Variants in THSD7A observed in about 807,000 individuals in gnomAD.
The protein encoded by THSD7A is thrombospondin type 1 domain containing 7A, also known as thrombospondin type-1 domain-containing protein 7A.
In THSD7A, 96 loss-of-function variants were observed where a neutral mutation model predicts 231.3. That is an observed-to-expected ratio of 0.41 (90% CI 0.35 to 0.49). The LOEUF is 0.49. Ranked by LOEUF, THSD7A falls within the 20% of genes least tolerant of loss-of-function variation. The pLI, the probability that THSD7A is intolerant of heterozygous loss-of-function variation, is 0.05. For synonymous variants in THSD7A, 940 were observed against 743.3 expected (o/e 1.26, Z -4.30); for missense variants, 2,290 against 2,070.2 (o/e 1.11, Z -2.06).
intron 1 of THSD7A, among the ~76,000 whole-genome samples, chr7:11,770,129 T>A (rs1783175382): frequency 6.6e-6 from 1 of 152,070 alleles, no homozygotes; most frequent in African/African-American, 2.4e-5. Context: ...AATAACCAAC[T>A]TTTCATCATA....
chr7:11,419,421 C>T (rs1328504417), intron 16 of THSD7A, among the ~76,000 whole-genome samples: 1 of 152,144 alleles, frequency 6.6e-6, no homozygotes, highest in Non-Finnish European at 1.5e-5. Flanking sequence ...TGAAAATGTG[C>T]TTGCTTCCTC....
intron 6 of THSD7A, among the ~76,000 whole-genome samples, chr7:11,537,791 A>G (rs1437679721): frequency 6.6e-6 from 1 of 152,174 alleles, no homozygotes; most frequent in Non-Finnish European, 1.5e-5. Flanking sequence ...TTCTTTTGAT[A>G]CTTTTGATGA....
At chr7:11,553,389 T>G (rs1789713982) in intron 4 of THSD7A, among the ~76,000 whole-genome samples, 1 of 152,110 alleles carries the variant, frequency 6.6e-6, no homozygotes, top group Non-Finnish European at 1.5e-5. Flanking sequence ...TGTAAGACGA[T>G]TACATTTCTG....
At chr7:11,524,064 T>C (rs1440528612) in intron 6 of THSD7A, among the ~76,000 whole-genome samples, 4 of 152,174 alleles carry the variant, frequency 2.6e-5, no homozygotes, top group Admixed American at 6.6e-5. Flanking sequence ...TTTTATTTAT[T>C]TTAGTATGCA....
Position 11,636,477 on chromosome 7 carries a change from C to T in THSD7A, c.675G>A (p.Pro225=), listed in dbSNP as rs1356260391. 1.2e-6 allele frequency: 2 copies of T among 1,613,656 alleles called. No individual in the cohort carries two copies. Among genetic ancestry groups the T allele is most frequent in the South Asian group, 1.1e-5 (1 of 91,074 alleles). Residue 225 remains proline (P), a synonymous_variant, in exon 2 of 28, where the codon CCG becomes CCA. Coordinates refer to ENST00000423059, the MANE Select transcript of THSD7A (RefSeq NM_015204.3). The surrounding 1 kb of genome is among the most constrained non-coding windows in gnomAD (Gnocchi z 10.0). ...QHRTRHVVAP[P]QFGGSGCPNL... ...TTGGACAGCCAGAGCCTCCGAACTG[C>T]GGGGGCGCCACCACATGACGCGTCC...
At chr7:11,395,339 A>G (rs1783140902) in intron 23 of THSD7A, among the ~76,000 whole-genome samples, 1 of 152,160 alleles carries the variant, frequency 6.6e-6, no homozygotes, top group South Asian at 2.1e-4. Flanking sequence ...TTAGAGACCT[A>G]CAAAGAGAGT....
At chr7:11,648,145 A>T (rs1214617069) in intron 1 of THSD7A, among the ~76,000 whole-genome samples, 3 of 152,044 alleles carry the variant, frequency 2.0e-5, no homozygotes, top group Non-Finnish European at 2.9e-5. Flanking sequence ...ATTTTAGGCT[A>T]CTTGTCCCTT....
intron 23 of THSD7A, among the ~76,000 whole-genome samples, chr7:11,401,342 A>T (rs890371044): frequency 6.6e-6 from 1 of 152,202 alleles, no homozygotes; most frequent in African/African-American, 2.4e-5. Context: ...CCATCTTTCC[A>T]ATCTTTAGAA....
intron 1 of THSD7A, among the ~76,000 whole-genome samples, chr7:11,726,363 G>A (rs989944471): frequency 3.3e-5 from 5 of 151,938 alleles, no homozygotes; most frequent in African/African-American, 9.7e-5. Flanking sequence ...ATTTTAAGTC[G>A]CAGAAACAAT....
chr7:11,434,612 A>G (rs1002492151), intron 13 of THSD7A, among the ~76,000 whole-genome samples: 6 of 152,150 alleles, frequency 3.9e-5, no homozygotes, highest in African/African-American at 1.2e-4. Flanking sequence ...TAACTCTGGC[A>G]TTCTCTCTGA....
chr7:11,481,322 T>G (rs1786413391), intron 7 of THSD7A, among the ~76,000 whole-genome samples: 1 of 152,162 alleles, frequency 6.6e-6, no homozygotes, highest in African/African-American at 2.4e-5. Context: ...AACTGAAAAT[T>G]GCAATTTTTG....
At chr7:11,534,339 T>C (rs927560439) in intron 6 of THSD7A, among the ~76,000 whole-genome samples, 1 of 152,166 alleles carries the variant, frequency 6.6e-6, no homozygotes, top group Non-Finnish European at 1.5e-5. Flanking sequence ...GTGGACGAAG[T>C]GATATTGTGT....
At position 11,446,844 on chromosome 7, in the gene THSD7A, A is replaced by G. The variant is rs1335760483; in HGVS notation, c.2800+386T>C. Among the ~76,000 whole-genome samples, 2 of 152,148 alleles carry G rather than the reference A, an allele frequency of 1.3e-5. No homozygotes were observed. The highest frequency in any genetic ancestry group is 2.9e-5 in the Non-Finnish European group (2 of 68,006). On this transcript the variant is annotated intron_variant, in intron 12 of 27. Coordinates refer to ENST00000423059, the MANE Select transcript of THSD7A (RefSeq NM_015204.3). This position sits in a 1 kb window ranked among gnomAD's most constrained non-coding sequence, Gnocchi z 4.0. ...AATTTTCAGATACAGAATTAATGCT[A>G]TATTCCCCCTTCTAGGTGAGAAAGG...
chr7:11,777,720 C>A (rs570761484), intron 1 of THSD7A, among the ~76,000 whole-genome samples: 1 of 152,226 alleles, frequency 6.6e-6, no homozygotes, highest in East Asian at 1.9e-4. Context: ...TCAGATTCAG[C>A]AACTCCATAT....
chr7:11,671,242 T>G (rs1183987635), intron 1 of THSD7A, among the ~76,000 whole-genome samples: 1 of 152,184 alleles, frequency 6.6e-6, no homozygotes, highest in South Asian at 2.1e-4. Flanking sequence ...AATGGCCAGC[T>G]CCTTTGATAG....
chr7:11,488,891 T>G (rs1786774295), intron 6 of THSD7A, among the ~76,000 whole-genome samples: 1 of 152,140 alleles, frequency 6.6e-6, no homozygotes, highest in Non-Finnish European at 1.5e-5. Context: ...CAAACACTGT[T>G]CTTCATGCCT....
chr7:11,727,760 G>A (rs1405210390), intron 1 of THSD7A, among the ~76,000 whole-genome samples: 19 of 151,850 alleles, frequency 1.3e-4, no homozygotes, highest in Admixed American at 1.2e-3. Context: ...GTATCAATAC[G>A]AATTGTTTAT....
At chr7:11,400,790 G>A (rs1225795899) in intron 23 of THSD7A, among the ~76,000 whole-genome samples, 1 of 152,104 alleles carries the variant, frequency 6.6e-6, no homozygotes, top group Non-Finnish European at 1.5e-5. Flanking sequence ...CTACTTTTCA[G>A]TAAGAAAGGT....
intron 1 of THSD7A, among the ~76,000 whole-genome samples, chr7:11,783,126 T>C (rs910102559): frequency 1.3e-5 from 2 of 152,092 alleles, no homozygotes; most frequent in Non-Finnish European, 2.9e-5. Context: ...ATAACCACTA[T>C]GGAATACAGA....
Sources: allele counts gnomAD v4.1 joint callset (sites outside exome capture counted in the v4.1 genomes callset), GRCh38; gene constraint gnomAD v4.1.1; non-coding constraint Gnocchi (gnomAD v3.1); transcripts MANE v1.5; gene names NCBI Gene and HGNC (gene_info 2026-07-23, HGNC 2026-07-21).